Variants in UNC13C observed in about 807,000 individuals in gnomAD.
The protein encoded by UNC13C is protein unc-13 homolog C.
Under a neutral mutation model 245.4 loss-of-function variants are expected in UNC13C, and 174 were observed. The observed-to-expected ratio is 0.71, with a 90% CI of 0.63 to 0.80. The LOEUF (loss-of-function observed/expected upper bound fraction) is 0.80, where lower values mean the gene tolerates loss of function less well. Among genes scored for constraint, UNC13C ranks in the 30% least tolerant of loss-of-function variants. UNC13C has a pLI of 0.00. For synonymous variants in UNC13C, 992 were observed against 895.1 expected (o/e 1.11, Z -1.93); for missense variants, 2,829 against 2,602.9 (o/e 1.09, Z -1.89).
Position 54,600,919 on chromosome 15 carries a change from C to T in UNC13C, c.6107-21408C>T, listed in dbSNP as rs58584035. 3.4e-3 allele frequency among the ~76,000 whole-genome samples: 509 copies of T among 151,862 alleles called. 3 individuals carry two copies. Among genetic ancestry groups the T allele is most frequent in the African/African-American group, 0.012 (483 of 41,400 alleles). ...GTCCAATCTTTTGACTTCCCTGGGC[C>T]ACATTGGAAGAATAAGAATTGTCTT... is the stretch of plus-strand genomic sequence containing the variant. On this transcript the variant is annotated intron_variant, in intron 30 of 32. Transcript: ENST00000260323.
rs192193618 is a variant in UNC13C at position 54,111,702 on chromosome 15, C to T, written c.2984-31316C>T. Among the ~76,000 whole-genome samples, 60 of 152,206 alleles carry T rather than the reference C, an allele frequency of 3.9e-4. 1 individual carries two copies. Among genetic ancestry groups the T allele is most frequent in the East Asian group, 1.9e-4 (1 of 5,180 alleles). ...TCATGGGAATCAACAGGAGAGGTCC[C>T]GCTCATCAAAGGATTGCATGATTTG... On this transcript the variant is annotated intron_variant, in intron 2 of 32. Coordinates refer to ENST00000260323, the MANE Select transcript of UNC13C (RefSeq NM_001080534.3).
At chr15:54,358,193 C>A (rs1173512398) in intron 17 of UNC13C, among the ~76,000 whole-genome samples, 1 of 151,898 alleles carries the variant, frequency 6.6e-6, no homozygotes, top group Non-Finnish European at 1.5e-5. Flanking sequence ...TGTTTTTATG[C>A]CATTACCATG....
chr15:54,367,368 T>C (rs557353408), intron 17 of UNC13C, among the ~76,000 whole-genome samples: 1 of 152,284 alleles, frequency 6.6e-6, no homozygotes, highest in South Asian at 2.1e-4. Context: ...TGTAACAAAT[T>C]CTTGATAGAT....
chr15:54,031,994 C>G (rs1004734147), intron 2 of UNC13C, among the ~76,000 whole-genome samples: 1 of 152,056 alleles, frequency 6.6e-6, no homozygotes, highest in African/African-American at 2.4e-5. Flanking sequence ...TTTTCTTACC[C>G]CAATGTAAAT....
the UNC13C span, among the ~76,000 whole-genome samples, chr15:53,841,935 G>A: frequency 6.6e-6 from 1 of 152,178 alleles, no homozygotes; most frequent in Admixed American, 6.6e-5. Flanking sequence ...TAGCTGGATA[G>A]GAAGAATTTC....
chr15:54,313,462 A>C (rs1190270574), intron 13 of UNC13C, among the ~76,000 whole-genome samples: 1 of 151,810 alleles, frequency 6.6e-6, no homozygotes, highest in Admixed American at 6.6e-5. Context: ...AATTTTGCTG[A>C]TTCAAATTTT....
chr15:54,301,805 G>T (rs902217341), intron 13 of UNC13C, among the ~76,000 whole-genome samples: 2 of 152,108 alleles, frequency 1.3e-5, no homozygotes, highest in African/African-American at 4.8e-5. Flanking sequence ...TATATATCTA[G>T]TAATGGGCTT....
At chr15:54,559,374 T>C (rs1017465487) in intron 29 of UNC13C, among the ~76,000 whole-genome samples, 3 of 152,010 alleles carry the variant, frequency 2.0e-5, no homozygotes, top group South Asian at 4.1e-4. Context: ...GTCCATGGGG[T>C]GATTCCAAGG....
In UNC13C at chr15:54,448,503, G is replaced by A. The variant is rs533510921; in HGVS notation, c.4933+33436G>A. ...TTTAGGATAGTTAGCTCTTCTTGTT[G>A]AATTGATCCCTTTACCATTATGTAA... On this transcript the variant is annotated intron_variant, in intron 19 of 32. Coordinates refer to ENST00000260323, the MANE Select transcript of UNC13C (RefSeq NM_001080534.3). Among the ~76,000 whole-genome samples the A allele has an allele frequency of 1.1e-4, 17 of 152,238 alleles. No homozygotes were observed. In the East Asian group the frequency reaches 3.3e-3, roughly 29 times the overall value.
At chr15:54,514,094 A>C (rs1203997524) in intron 24 of UNC13C, among the ~76,000 whole-genome samples, 2 of 152,234 alleles carry the variant, frequency 1.3e-5, no homozygotes, top group Non-Finnish European at 2.9e-5. Context: ...TCAAGGCAAC[A>C]GAATTTCAAA....
At chr15:54,329,158 G>A (rs186110367) in intron 14 of UNC13C, among the ~76,000 whole-genome samples, 49 of 144,446 alleles carry the variant, frequency 3.4e-4, no homozygotes, top group African/African-American at 9.3e-4. Context: ...AATTGGATAC[G>A]TAATAGTTGT....
chr15:54,391,657 A>G (rs1455634049), intron 17 of UNC13C, among the ~76,000 whole-genome samples: 1 of 152,052 alleles, frequency 6.6e-6, no homozygotes, highest in African/African-American at 2.4e-5. Flanking sequence ...GTCAGCCACT[A>G]ATTTTTTTTT....
At chr15:54,316,183 C>T (rs145198289) in intron 13 of UNC13C, among the ~76,000 whole-genome samples, 1 of 151,972 alleles carries the variant, frequency 6.6e-6, no homozygotes, top group East Asian at 2.0e-4. Flanking sequence ...TAGAATAGAT[C>T]CAACTTACCT....
At chr15:54,113,865 T>A (rs138084633) in intron 2 of UNC13C, among the ~76,000 whole-genome samples, 148 of 152,274 alleles carry the variant, frequency 9.7e-4, no homozygotes, top group African/African-American at 3.3e-3. Context: ...TAAGTTTACA[T>A]AGTTTAAAAA....
chr15:54,512,308 G>GTGTCATA (rs1350841722), intron 24 of UNC13C: 5 of 455,666 alleles, frequency 1.1e-5, no homozygotes, highest in Non-Finnish European at 2.2e-5. Flanking sequence ...AATGTGTCAT[G>GTGTCATA]TCTTTGTCCA....
chr15:53,863,060 C>T, the UNC13C span, among the ~76,000 whole-genome samples: 1 of 152,144 alleles, frequency 6.6e-6, no homozygotes, highest in South Asian at 2.1e-4. Context: ...GGTAAAATTT[C>T]TCTCCAGCTA....
intron 2 of UNC13C, among the ~76,000 whole-genome samples, chr15:54,095,916 C>T (rs143946567): frequency 7.1e-4 from 108 of 152,286 alleles, no homozygotes; most frequent in African/African-American, 2.5e-3. Context: ...AATGATTTGA[C>T]TGGAGTCTTG....
At chr15:54,167,602 GAAAAAAAAAAA>G (rs35210236) in intron 4 of UNC13C, among the ~76,000 whole-genome samples, 3 of 63,570 alleles carry the variant, frequency 4.7e-5, no homozygotes, top group African/African-American at 1.8e-4. Context: ...ATCCAAATAG[GAAAAAAAAAAA>G]AAAAAAAAAA....
chr15:53,934,554 A>C, the UNC13C span, among the ~76,000 whole-genome samples: 1 of 152,212 alleles, frequency 6.6e-6, no homozygotes, highest in Non-Finnish European at 1.5e-5. Flanking sequence ...AGAGTCAGCT[A>C]TTTCTAGACA....
Sources: gnomAD v4.1 joint callset for allele counts (sites outside exome capture counted in the v4.1 genomes callset) on GRCh38, gnomAD v4.1.1 for gene constraint, MANE v1.5 for transcripts, NCBI Gene and HGNC (gene_info 2026-07-23, HGNC 2026-07-21) for gene names.